ZNF362: variants seen among roughly 807,000 people sequenced by gnomAD.
ZNF362 encodes rotund homolog.
In ZNF362, 11 loss-of-function variants were observed where a neutral mutation model predicts 42.9. The observed-to-expected ratio is 0.26, with a 90% CI of 0.16 to 0.42. The LOEUF (loss-of-function observed/expected upper bound fraction) is 0.42, where lower values mean the gene tolerates loss of function less well. ZNF362 is among the 20% of genes least tolerant of loss of function. ZNF362 has a pLI of 1.00. For missense variants in ZNF362, 362 were observed against 576.2 expected (o/e 0.63, Z 3.81); for synonymous variants, 255 against 257.3 (o/e 0.99, Z 0.09).
chr1:33,220,669 C>G, the ZNF362 span, among the ~76,000 whole-genome samples: 1 of 152,166 alleles, frequency 6.6e-6, no homozygotes, highest in South Asian at 2.1e-4. Flanking sequence ...TCTACCACTG[C>G]CCAGCCAGGC....
the ZNF362 span, among the ~76,000 whole-genome samples, chr1:33,157,905 C>T: frequency 1.1e-3 from 160 of 152,128 alleles, 3 homozygotes; most frequent in Middle Eastern, 0.02. Context: ...TACAGGTGCA[C>T]GCCACCATGC....
the ZNF362 span, among the ~76,000 whole-genome samples, chr1:33,153,667 G>A: frequency 1.3e-5 from 2 of 152,126 alleles, no homozygotes; most frequent in African/African-American, 2.4e-5. Context: ...GAGTTGAGAA[G>A]GGAACACTAG....
the ZNF362 span, among the ~76,000 whole-genome samples, chr1:33,230,120 G>A: frequency 6.6e-6 from 1 of 151,950 alleles, no homozygotes; most frequent in East Asian, 1.9e-4. Context: ...TATAACCATA[G>A]CAGCTGATGT....
the ZNF362 span, among the ~76,000 whole-genome samples, chr1:33,186,489 G>T: frequency 6.6e-6 from 1 of 151,556 alleles, no homozygotes; most frequent in African/African-American, 2.4e-5. Context: ...TTAAATAAGG[G>T]TCTCTAAGCA....
At chr1:33,147,411 G>A in the ZNF362 span, 18 of 1,614,148 alleles carry the variant, frequency 1.1e-5, no homozygotes, top group East Asian at 1.6e-4. The surrounding 1 kb of genome is among the most constrained non-coding windows in gnomAD (Gnocchi z 8.1). Context: ...CCGTGCAGGC[G>A]CTGTACTGGT....
intron 8 of ZNF362, among the ~76,000 whole-genome samples, chr1:33,298,464 A>G (rs1412020141): frequency 6.6e-6 from 1 of 152,028 alleles, no homozygotes; most frequent in Admixed American, 6.5e-5. Flanking sequence ...TTCCTCCCCT[A>G]TGCCTGCTTA....
the ZNF362 span, among the ~76,000 whole-genome samples, chr1:33,243,832 T>C: frequency 6.6e-6 from 1 of 150,520 alleles, no homozygotes; most frequent in African/African-American, 2.4e-5. Flanking sequence ...ATGGTCTCGA[T>C]CTCCTGACCT....
the ZNF362 span, among the ~76,000 whole-genome samples, chr1:33,185,646 T>A: frequency 6.6e-6 from 1 of 152,224 alleles, no homozygotes; most frequent in African/African-American, 2.4e-5. Context: ...TATCTTTACA[T>A]TTGGCAAGTC....
chr1:33,256,913 C>CGT (rs140287361), intron 1 of ZNF362, among the ~76,000 whole-genome samples: 6,183 of 149,718 alleles, frequency 0.041, 302 homozygotes, highest in African/African-American at 0.11. Context: ...AGTGTGTGTG[C>CGT]GTGTGTGTGT....
At chr1:33,217,061 C>T in the ZNF362 span, among the ~76,000 whole-genome samples, 5 of 152,080 alleles carry the variant, frequency 3.3e-5, no homozygotes, top group East Asian at 1.9e-4. Flanking sequence ...CCTTACAACC[C>T]AGCTTCCAGC....
chr1:33,159,797 A>C, the ZNF362 span: 1 of 1,613,898 alleles, frequency 6.2e-7, no homozygotes, highest in Non-Finnish European at 8.5e-7. The surrounding 1 kb of genome is among the most constrained non-coding windows in gnomAD (Gnocchi z 4.2). Flanking sequence ...TGCTGGCTGT[A>C]GCGCTGGACT....
chr1:33,175,031 T>TGTA, the ZNF362 span, among the ~76,000 whole-genome samples: 1 of 147,102 alleles, frequency 6.8e-6, no homozygotes. Context: ...ATGTATATGT[T>TGTA]TATGTATATG....
the ZNF362 span, among the ~76,000 whole-genome samples, chr1:33,172,985 A>G: frequency 6.6e-6 from 1 of 152,168 alleles, no homozygotes; most frequent in Non-Finnish European, 1.5e-5. Flanking sequence ...TGCACACAAT[A>G]GGTGCTCAAG....
At chr1:33,189,530 G>A in the ZNF362 span, among the ~76,000 whole-genome samples, 1 of 150,332 alleles carries the variant, frequency 6.7e-6, no homozygotes, top group Admixed American at 6.7e-5. Context: ...ATCGTTTATT[G>A]TAACTCTTGT....
chr1:33,148,194 A>G, the ZNF362 span, among the ~76,000 whole-genome samples: 3 of 152,202 alleles, frequency 2.0e-5, no homozygotes, highest in Non-Finnish European at 2.9e-5. Flanking sequence ...TGGACAGGAC[A>G]GTTCTGCAAA....
the ZNF362 span, among the ~76,000 whole-genome samples, chr1:33,208,615 G>A: frequency 5.3e-5 from 8 of 152,202 alleles, no homozygotes; most frequent in East Asian, 9.7e-4. Context: ...TTGAGCAGTG[G>A]TTTGTAATTC....
chr1:33,217,721 A>G, the ZNF362 span, among the ~76,000 whole-genome samples: 20 of 152,330 alleles, frequency 1.3e-4, no homozygotes, highest in East Asian at 3.9e-3. Context: ...AAATCTTATT[A>G]TACAAAGGTA....
the ZNF362 span, among the ~76,000 whole-genome samples, chr1:33,214,920 T>C: frequency 1.3e-5 from 2 of 152,176 alleles, no homozygotes; most frequent in African/African-American, 4.8e-5. Flanking sequence ...ATAGTCACTA[T>C]GGAGAGTAGT....
the ZNF362 span, among the ~76,000 whole-genome samples, chr1:33,191,705 A>T: frequency 6.6e-6 from 1 of 152,112 alleles, no homozygotes; most frequent in Non-Finnish European, 1.5e-5. Flanking sequence ...GGGTTTCACC[A>T]TATTGGCCAG....
Sources: gnomAD v4.1 joint callset for allele counts (sites outside exome capture counted in the v4.1 genomes callset) on GRCh38, gnomAD v4.1.1 for gene constraint, Gnocchi (gnomAD v3.1) non-coding constraint, MANE v1.5 for transcripts, NCBI Gene and HGNC (gene_info 2026-07-23, HGNC 2026-07-21) for gene names.